CHST3: variants seen among roughly 807,000 people sequenced by gnomAD.
The protein encoded by CHST3 is C6ST-1.
CHST3 carries 20 observed loss-of-function variants against 35.4 expected under a neutral mutation model. The ratio of observed to expected loss-of-function variants is 0.57; its 90% CI spans 0.40 to 0.82. CHST3 has a LOEUF of 0.82. Ranked by LOEUF, CHST3 falls within the 40% of genes least tolerant of loss-of-function variation. CHST3 has a pLI of 0.00. For missense variants in CHST3, 693 were observed against 670.1 expected (o/e 1.03, Z -0.38); for synonymous variants, 334 against 295.9 (o/e 1.13, Z -1.32).
At chr10:72,001,529 A>G (rs1348257092) in intron 1 of CHST3, among the ~76,000 whole-genome samples, 2 of 151,702 alleles carry the variant, frequency 1.3e-5, no homozygotes, top group African/African-American at 4.8e-5. Context: ...GCTGGGGTAC[A>G]ATGGCATGAT....
At chr10:71,991,567 C>G (rs949666172) in intron 1 of CHST3, among the ~76,000 whole-genome samples, 1 of 152,180 alleles carries the variant, frequency 6.6e-6, no homozygotes, top group Admixed American at 6.5e-5. Context: ...CAGTTCCAGA[C>G]CACTGCAACA....
intron 1 of CHST3, among the ~76,000 whole-genome samples, chr10:72,004,431 G>T (rs1564531152): frequency 6.6e-6 from 1 of 152,178 alleles, no homozygotes; most frequent in Non-Finnish European, 1.5e-5. Context: ...ATAGCCTGGG[G>T]GAGGCTGCCT....
At chr10:72,005,283 TTGTGTGTGTGTGTGTGTCTGTG>T (rs1415330713) in intron 1 of CHST3, among the ~76,000 whole-genome samples, 43 of 149,420 alleles carry the variant, frequency 2.9e-4, no homozygotes, top group African/African-American at 1.0e-3. Context: ...GTCTGCACCT[TTGTGTGTGTGTGTGTGTCTGTG>T]TGTGTGTGTG....
chr10:71,998,871 CAT>C (rs1839966094), intron 1 of CHST3, among the ~76,000 whole-genome samples: 2 of 152,016 alleles, frequency 1.3e-5, no homozygotes, highest in African/African-American at 4.8e-5. Context: ...TTGGGAGTAA[CAT>C]AGCCCCATAG....
rs982775712 is a variant in CHST3, at chr10:72,011,256, C to T, written c.*2785C>T. ...ATCCCTTGGTTTCTCTCTTGTTGAT[C>T]TGAGATGCTACATCAGGGCCCTTGC... On this transcript the variant is annotated 3_prime_UTR_variant, in exon 3 of 3. Transcript: ENST00000373115. The T allele has an allele frequency of 2.0e-5, 3 of 152,210 alleles. No homozygotes were observed. Among genetic ancestry groups the T allele is most frequent in the Non-Finnish European group, 4.4e-5 (3 of 68,038 alleles). 9.4% of individuals were successfully genotyped at this position (152,210 alleles called of 1,614,324 possible).
At chr10:71,974,120 T>C (rs1363838934) in intron 1 of CHST3, among the ~76,000 whole-genome samples, 1 of 152,246 alleles carries the variant, frequency 6.6e-6, no homozygotes, top group Admixed American at 6.5e-5. Context: ...GAGCAGTGCC[T>C]GGCACACTGA....
At chr10:71,997,902 G>A (rs538435100) in intron 1 of CHST3, among the ~76,000 whole-genome samples, 1 of 152,116 alleles carries the variant, frequency 6.6e-6, no homozygotes, top group South Asian at 2.1e-4. Flanking sequence ...TCCTGACCTC[G>A]TGATCCACCC....
rs1327982283 is a variant in CHST3 at position 72,007,071 on chromosome 10, C to A, written c.141-101C>A. ...AACGTCTGCTTTTGGGGAAACCCAA[C>A]TGAGACAGGTTTTGGTGATCTGCTT... On this transcript the variant is annotated intron_variant, in intron 2 of 2. Transcript: ENST00000373115. 4 of 1,367,482 alleles carry A rather than the reference C, an allele frequency of 2.9e-6. No homozygotes were observed. In the Admixed American group the frequency reaches 5.8e-5, roughly 20 times the overall value. The allele number at this position is 1,367,482 out of a possible 1,614,324, so 84.7% of individuals were successfully genotyped here.
At chr10:72,000,351 C>T (rs1352042091) in intron 1 of CHST3, among the ~76,000 whole-genome samples, 1 of 152,116 alleles carries the variant, frequency 6.6e-6, no homozygotes, top group Non-Finnish European at 1.5e-5. Context: ...CCGGAGTCAA[C>T]GTTCTGGGGG....
intron 1 of CHST3, among the ~76,000 whole-genome samples, chr10:71,994,685 TCTC>T (rs1206805245): frequency 6.6e-6 from 1 of 152,220 alleles, no homozygotes; most frequent in Non-Finnish European, 1.5e-5. Flanking sequence ...AGCATTGACT[TCTC>T]CTCTCTAGCT....
At chr10:71,969,348 C>T (rs1564523223) in intron 1 of CHST3, among the ~76,000 whole-genome samples, 1 of 152,238 alleles carries the variant, frequency 6.6e-6, no homozygotes, top group Non-Finnish European at 1.5e-5. Flanking sequence ...CCTGGGACAG[C>T]CACGTTTTCA....
Position 72,007,934 on chromosome 10 carries a change from C to A in CHST3, c.903C>A (p.Arg301=), listed in dbSNP as rs1401710290. The change falls in exon 3 of 3, where the codon CGC becomes CGA. Residue 301 remains arginine (R), a synonymous_variant. Transcript: ENST00000373115. ...ACCTGCGCGTCATCCAGCTGGTGCG[C>A]GACCCCCGGGCCGTGCTGGCCTCGC... The part of the protein sequence containing the change: ...RLDLRVIQLV[R]DPRAVLASRM... The A allele has an allele frequency of 6.4e-7, 1 of 1,551,344 alleles. No individual in the cohort carries two copies. Among genetic ancestry groups the A allele is most frequent in the Non-Finnish European group, 8.7e-7 (1 of 1,147,560 alleles).
At chr10:71,991,510 T>C (rs1839896226) in intron 1 of CHST3, among the ~76,000 whole-genome samples, 1 of 152,102 alleles carries the variant, frequency 6.6e-6, no homozygotes, top group African/African-American at 2.4e-5. Context: ...CCCTAAGACA[T>C]TCTATATTTT....
At chr10:71,968,423 C>G (rs1346545288) in intron 1 of CHST3, among the ~76,000 whole-genome samples, 1 of 152,280 alleles carries the variant, frequency 6.6e-6, no homozygotes, top group Middle Eastern at 3.4e-3. Context: ...ATATTTTCTC[C>G]TGTTCTGTAG....
chr10:72,000,483 G>A (rs1295144934), intron 1 of CHST3, among the ~76,000 whole-genome samples: 1 of 152,010 alleles, frequency 6.6e-6, no homozygotes, highest in Non-Finnish European at 1.5e-5. Flanking sequence ...CAGAGCTGGG[G>A]GGGCATTTGA....
At chr10:72,003,725 G>T (rs1400110690) in intron 1 of CHST3, among the ~76,000 whole-genome samples, 1 of 147,542 alleles carries the variant, frequency 6.8e-6, no homozygotes, top group East Asian at 2.0e-4. Context: ...AAAGGGAATA[G>T]ACTCTTCTTT....
At chr10:71,976,013 T>C (rs2131741418) in intron 1 of CHST3, among the ~76,000 whole-genome samples, 1 of 152,364 alleles carries the variant, frequency 6.6e-6, no homozygotes, top group East Asian at 1.9e-4. Flanking sequence ...GGCCAGTTTC[T>C]TCCTGGAGGA....
intron 1 of CHST3, among the ~76,000 whole-genome samples, chr10:71,972,300 G>A (rs114846907): frequency 3.0e-4 from 45 of 152,308 alleles, no homozygotes; most frequent in African/African-American, 1.1e-3. Flanking sequence ...GCTGCACCGA[G>A]AGGAGAAACA....
chr10:72,004,743 A>T (rs372375811), intron 1 of CHST3, among the ~76,000 whole-genome samples: 1 of 152,168 alleles, frequency 6.6e-6, no homozygotes, highest in East Asian at 1.9e-4. Context: ...AGCTTGCTAC[A>T]TCGGAGTCTC....
Sources: allele counts gnomAD v4.1 joint callset (sites outside exome capture counted in the v4.1 genomes callset), GRCh38; gene constraint gnomAD v4.1.1; transcripts MANE v1.5; gene names NCBI Gene and HGNC (gene_info 2026-07-23, HGNC 2026-07-21).